TMEM132D: variants seen among roughly 807,000 people sequenced by gnomAD.
The protein encoded by TMEM132D is mature OL transmembrane protein.
Under a neutral mutation model 62.3 loss-of-function variants are expected in TMEM132D, and 21 were observed. The observed-to-expected ratio is 0.34, with a 90% CI of 0.24 to 0.49. The LOEUF (loss-of-function observed/expected upper bound fraction) is 0.49. Ranked by LOEUF, TMEM132D falls within the 20% of genes least tolerant of loss-of-function variation. The pLI, the probability that TMEM132D is intolerant of heterozygous loss-of-function variation, is 0.99. For missense variants in TMEM132D, 1,346 were observed against 1,402.8 expected, an observed-to-expected ratio of 0.96 and a Z score of 0.65; for synonymous variants, 621 against 575.6, an observed-to-expected ratio of 1.08 and a Z score of -1.13.
chr12:129,791,179 G>A (rs780492941), intron 1 of TMEM132D, among the ~76,000 whole-genome samples: 1 of 152,184 alleles, frequency 6.6e-6, no homozygotes, highest in Non-Finnish European at 1.5e-5. Flanking sequence ...CTGGTCAGAG[G>A]CAGGGCAGAC....
At chr12:129,229,324 G>A (rs1879572476) in intron 4 of TMEM132D, among the ~76,000 whole-genome samples, 1 of 152,176 alleles carries the variant, frequency 6.6e-6, no homozygotes, top group South Asian at 2.1e-4. Context: ...ATCAAAGATC[G>A]ACAACTACGG....
intron 3 of TMEM132D, among the ~76,000 whole-genome samples, chr12:129,516,753 T>C (rs999708835): frequency 2.6e-5 from 4 of 152,220 alleles, no homozygotes; most frequent in African/African-American, 9.6e-5. Flanking sequence ...CTGTAACAAA[T>C]GACCACAAAT....
chr12:129,551,340 G>C (rs974159339), intron 2 of TMEM132D, among the ~76,000 whole-genome samples: 5 of 152,224 alleles, frequency 3.3e-5, no homozygotes, highest in African/African-American at 1.2e-4. Flanking sequence ...AGTGAAACTG[G>C]AAAATCATTG....
At chr12:129,495,749 G>T (rs574200688) in intron 3 of TMEM132D, among the ~76,000 whole-genome samples, 277 of 152,252 alleles carry the variant, frequency 1.8e-3, no homozygotes, top group African/African-American at 6.4e-3. Context: ...GGGGACAGGG[G>T]TAGTGATGGG....
Position 129,392,711 on chromosome 12 carries a change from TC to T in TMEM132D, c.1116-54895del, listed in dbSNP as rs368242920. Among the ~76,000 whole-genome samples, 20 of 152,132 alleles carry T rather than the reference TC, an allele frequency of 1.3e-4. No homozygotes were observed. The East Asian group carries it at 3.1e-3, about 24-fold the overall frequency. ...CCACCACCCTTGATGGAACAAGCCC[TC>T]CCCCAACCCTCACCCCAGTGATTTT... On this transcript the variant is annotated intron_variant, in intron 3 of 8. Coordinates refer to ENST00000422113, the MANE Select transcript of TMEM132D (RefSeq NM_133448.3).
chr12:129,760,643 G>A (rs1339059956), intron 1 of TMEM132D, among the ~76,000 whole-genome samples: 2 of 64,474 alleles, frequency 3.1e-5, no homozygotes, highest in Non-Finnish European at 6.8e-5. Flanking sequence ...CACTGCGCCC[G>A]GACTTTTTTT....
chr12:129,178,821 CTA>C (rs1877981282), intron 5 of TMEM132D, among the ~76,000 whole-genome samples: 1 of 152,198 alleles, frequency 6.6e-6, no homozygotes, highest in African/African-American at 2.4e-5. Flanking sequence ...GAGGTGAAGT[CTA>C]TGTCTGCACT....
intron 3 of TMEM132D, among the ~76,000 whole-genome samples, chr12:129,462,043 G>A (rs751831722): frequency 2.0e-5 from 3 of 152,162 alleles, no homozygotes; most frequent in Non-Finnish European, 1.5e-5. Flanking sequence ...AGGCCACAGA[G>A]CCAACAGGCT....
At chr12:129,643,851 T>TC (rs2137177084) in intron 2 of TMEM132D, among the ~76,000 whole-genome samples, 1 of 150,762 alleles carries the variant, frequency 6.6e-6, no homozygotes, top group African/African-American at 2.4e-5. Context: ...TGTACCATTT[T>TC]TTTTTTTTTT....
chr12:129,623,708 C>CATATACATAT (rs1565926906), intron 2 of TMEM132D, among the ~76,000 whole-genome samples: 1 of 142,556 alleles, frequency 7.0e-6, no homozygotes, highest in South Asian at 2.1e-4. Flanking sequence ...TATATACATA[C>CATATACATAT]ATATGCATAT....
chr12:129,498,984 G>A (rs1317463463), intron 3 of TMEM132D, among the ~76,000 whole-genome samples: 1 of 152,072 alleles, frequency 6.6e-6, no homozygotes, highest in Non-Finnish European at 1.5e-5. Flanking sequence ...CTCTACCTTG[G>A]AATAATATGC....
chr12:129,739,542 G>C (rs1040199483), intron 1 of TMEM132D, among the ~76,000 whole-genome samples: 1 of 152,162 alleles, frequency 6.6e-6, no homozygotes, highest in Non-Finnish European at 1.5e-5. Flanking sequence ...GGATTTCCTG[G>C]ACTGCTGGGT....
intron 1 of TMEM132D, among the ~76,000 whole-genome samples, chr12:129,705,879 C>T (rs1254166463): frequency 6.6e-6 from 1 of 151,972 alleles, no homozygotes; most frequent in East Asian, 1.9e-4. Context: ...ACTTAGGGAA[C>T]AAAAGAAAGT....
At chr12:129,283,571 AT>A (rs879518881) in intron 4 of TMEM132D, among the ~76,000 whole-genome samples, 12 of 151,990 alleles carry the variant, frequency 7.9e-5, no homozygotes, top group Admixed American at 5.9e-4. Context: ...TCTCTACTGA[AT>A]TTTTTTTCCC....
intron 3 of TMEM132D, among the ~76,000 whole-genome samples, chr12:129,377,099 C>T (rs1398133132): frequency 6.6e-6 from 1 of 152,032 alleles, no homozygotes; most frequent in Non-Finnish European, 1.5e-5. Context: ...CTCAGTTTAC[C>T]TTTTTAACAA....
Position 129,088,008 on chromosome 12 carries a change from A to C in TMEM132D, c.1444-3306T>G, listed in dbSNP as rs1456946102. 8.6e-4 allele frequency among the ~76,000 whole-genome samples: 47 copies of C among 54,950 alleles called. 5 individuals are homozygous for C. The highest frequency in any genetic ancestry group is 2.3e-3 in the South Asian group (3 of 1,280). 36.0% of individuals were successfully genotyped at this position (54,950 alleles called of 152,430 possible). A position where few individuals can be genotyped will look rare whatever the true frequency, so the allele number is the denominator to read the frequency against. ...GTCCTCCATGACCGGGGTGTCCTCC[A>C]TGACCGGGTGTCCTCCATGACCGGG... is the stretch of plus-strand genomic sequence containing the variant. On this transcript the variant is annotated intron_variant, in intron 5 of 8. Transcript: ENST00000422113.
intron 5 of TMEM132D, among the ~76,000 whole-genome samples, chr12:129,136,786 T>C (rs530612140): frequency 0.022 from 2,968 of 132,796 alleles, 102 homozygotes; most frequent in African/African-American, 0.078. Flanking sequence ...ATCACCATCA[T>C]CACCATCACC....
chr12:129,620,661 GT>G (rs1470719095), intron 2 of TMEM132D, among the ~76,000 whole-genome samples: 1 of 152,170 alleles, frequency 6.6e-6, no homozygotes, highest in African/African-American at 2.4e-5. Context: ...ACAAGATCAT[GT>G]CCTTTGCAGG....
chr12:129,764,855 C>T (rs550143884), intron 1 of TMEM132D, among the ~76,000 whole-genome samples: 6 of 152,216 alleles, frequency 3.9e-5, no homozygotes, highest in East Asian at 1.9e-4. Flanking sequence ...GTAGGAGGAT[C>T]GCTTGAGCCT....
Sources: gnomAD v4.1 joint callset for allele counts (sites outside exome capture counted in the v4.1 genomes callset) on GRCh38, gnomAD v4.1.1 for gene constraint, MANE v1.5 for transcripts, NCBI Gene and HGNC (gene_info 2026-07-23, HGNC 2026-07-21) for gene names.